ANKRD30A: variants seen among roughly 807,000 people sequenced by gnomAD.
ANKRD30A encodes the protein ankyrin repeat domain 30A, also known as ankyrin repeat domain-containing protein 30A.
A neutral mutation model predicts 166.3 loss-of-function variants in ANKRD30A; 170 were observed. The observed-to-expected ratio is 1.02, with a 90% CI of 0.90 to 1.16. The LOEUF is 1.16. Ranked by LOEUF, ANKRD30A falls within the 50% of genes most tolerant of loss-of-function variation. The probability of loss-of-function intolerance (pLI) is 0.00; values close to 1 mark genes in which losing one functional copy is unlikely to be tolerated. For missense variants in ANKRD30A, 1,630 were observed against 1,518.0 expected (o/e 1.07, Z -1.23); for synonymous variants, 564 against 508.9 (o/e 1.11, Z -1.46).
At chr10:37,236,459 C>T (rs1343665594), downstream of ANKRD30A, among the ~76,000 whole-genome samples, 1 of 152,192 alleles carries the variant, frequency 6.6e-6, no homozygotes, top group Admixed American at 6.5e-5. Flanking sequence ...TCAACGCAAA[C>T]TCATGTCACT....
the ANKRD30A span, among the ~76,000 whole-genome samples, chr10:37,242,398 CT>C: frequency 4.7e-4 from 71 of 152,134 alleles, no homozygotes; most frequent in East Asian, 0.013. Context: ...TGAACATCTC[CT>C]CTGTCATGTT....
intron 5 of ANKRD30A, 122 bp downstream of exon 5, chr10:37,134,175 G>C (rs1308116290): frequency 8.7e-7 from 1 of 1,149,452 alleles, no homozygotes; most frequent in Non-Finnish European, 1.2e-6. Flanking sequence ...GTTAGAAGGA[G>C]TATTGGGTCC....
rs368398639 is a variant in ANKRD30A, at chr10:37,141,983, G to A, written c.1086G>A (p.Thr362=). 11 of 1,614,100 alleles carry A rather than the reference G, an allele frequency of 6.8e-6. No individual in the cohort carries two copies. Among genetic ancestry groups the A allele is most frequent in the African/African-American group, 4.0e-5 (3 of 75,020 alleles). The stretch of plus-strand genomic sequence containing the variant: ...CAGAAGAAACACCTAGGGAAATTAC[G>A]AGTCCTGCAAAAGAAACATCTGAGA... ...QSAEETPREI[T]SPAKETSEKF... is the part of the protein sequence containing the mutation. The change falls in exon 7 of 36, where the codon ACG becomes ACA. Residue 362 remains threonine (T), a synonymous_variant. Coordinates refer to ENST00000361713, the MANE Select transcript of ANKRD30A (RefSeq NM_052997.3).
intron 29 of ANKRD30A, 134 bp downstream of exon 29, chr10:37,197,614 T>C (rs1841244660): frequency 1.5e-6 from 2 of 1,372,398 alleles, no homozygotes; most frequent in African/African-American, 1.5e-5. Context: ...AATACTGGTA[T>C]TGATGTTTGA....
At chr10:37,136,913 T>A (rs1434707669) in intron 6 of ANKRD30A, among the ~76,000 whole-genome samples, 7 of 151,588 alleles carry the variant, frequency 4.6e-5, no homozygotes. Context: ...TGTAGGCAGT[T>A]TATAATCTCA....
At chr10:37,148,165 CGAT>C (rs1465602671) in intron 9 of ANKRD30A, among the ~76,000 whole-genome samples, 1 of 151,978 alleles carries the variant, frequency 6.6e-6, no homozygotes, top group Non-Finnish European at 1.5e-5. Context: ...AGTTCTCAGG[CGAT>C]GCTGATACCA....
intron 27 of ANKRD30A, among the ~76,000 whole-genome samples, chr10:37,195,497 A>T (rs533390536): frequency 1.3e-5 from 2 of 152,180 alleles, no homozygotes; most frequent in East Asian, 3.9e-4. Context: ...AGAATAAAGC[A>T]TCTGGTTGTA....
chr10:37,141,292 C>T lies in ANKRD30A; in HGVS notation c.821-426C>T, dbSNP rs182687620. On this transcript the variant is annotated intron_variant, in intron 6 of 35. Transcript: ENST00000361713. ...AAAGCTTTAAAAAGTTTGGTAGTGT[C>T]CAGGCACAGTGGCTCACTCCTGTAG... is the stretch of plus-strand genomic sequence containing the variant. Among the ~76,000 whole-genome samples, 25 of 152,096 alleles carry T rather than the reference C, an allele frequency of 1.6e-4. No individual in the cohort carries two copies. The East Asian group carries it at 4.8e-3, about 29-fold the overall frequency.
intron 15 of ANKRD30A, among the ~76,000 whole-genome samples, chr10:37,160,417 G>A (rs1006058992): frequency 1.3e-5 from 2 of 152,076 alleles, no homozygotes; most frequent in Admixed American, 6.6e-5. Context: ...CAGTAAATAG[G>A]AGAAATAGGA....
intron 7 of ANKRD30A, among the ~76,000 whole-genome samples, chr10:37,144,228 CTCATGGCTG>C (rs1222756770): frequency 6.6e-6 from 1 of 152,132 alleles, no homozygotes; most frequent in Non-Finnish European, 1.5e-5. Context: ...TGTTTTCTGT[CTCATGGCTG>C]TCAGTATTCC....
At chr10:37,151,840 AT>A (rs1288454245) in intron 11 of ANKRD30A, among the ~76,000 whole-genome samples, 1 of 151,990 alleles carries the variant, frequency 6.6e-6, no homozygotes, top group Non-Finnish European at 1.5e-5. Context: ...TCAAATTTCT[AT>A]TTTTCTGCAT....
At position 37,149,928 on chromosome 10, in the gene ANKRD30A, T is replaced by A. The variant is rs995618655; in HGVS notation, c.1645+79T>A. On this transcript the variant is annotated intron_variant, in intron 11 of 35. Coordinates refer to ENST00000361713, the MANE Select transcript of ANKRD30A (RefSeq NM_052997.3). ...TGATGGTCTTTCTATCCCCAATGCTTTATTTTTTTCAACTTTGATGAAAAC... is the reference window on the plus strand; with the variant it reads ...TGATGGTCTTTCTATCCCCAATGCTATATTTTTTTCAACTTTGATGAAAAC... 8.9e-6 allele frequency: 14 copies of A among 1,567,196 alleles called. No homozygotes were observed. The African/African-American group carries it at 1.6e-4, about 18-fold the overall frequency.
chr10:37,160,374 GA>G (rs1475852262), intron 15 of ANKRD30A, among the ~76,000 whole-genome samples: 84 of 152,232 alleles, frequency 5.5e-4, no homozygotes, highest in African/African-American at 1.8e-3. Context: ...TCATGAGTCT[GA>G]AAAATTTTAG....
intron 27 of ANKRD30A, among the ~76,000 whole-genome samples, chr10:37,194,499 C>A (rs1169463896): frequency 6.6e-6 from 1 of 151,926 alleles, no homozygotes; most frequent in South Asian, 2.1e-4. Flanking sequence ...TGCCACCACG[C>A]CTGGCTAATG....
chr10:37,208,181 C>T (rs1842090743), intron 31 of ANKRD30A, among the ~76,000 whole-genome samples: 1 of 152,128 alleles, frequency 6.6e-6, no homozygotes, highest in South Asian at 2.1e-4. Flanking sequence ...TTTCTCTTTC[C>T]TCTGGGAGCC....
At chr10:37,164,585 CG>C (rs1839158725) in intron 17 of ANKRD30A, among the ~76,000 whole-genome samples, 1 of 151,958 alleles carries the variant, frequency 6.6e-6, no homozygotes. Flanking sequence ...TCATAGCATA[CG>C]GAAATGTAAA....
chr10:37,215,618 C>T (rs183567686), intron 31 of ANKRD30A, among the ~76,000 whole-genome samples: 28 of 151,566 alleles, frequency 1.8e-4, no homozygotes, highest in African/African-American at 6.3e-4. Context: ...GGTTTGCTTT[C>T]CATTTTTTTT....
intron 15 of ANKRD30A, among the ~76,000 whole-genome samples, chr10:37,159,757 G>A (rs559515901): frequency 1.1e-3 from 173 of 152,036 alleles, no homozygotes; most frequent in South Asian, 3.5e-3. Context: ...GTGCCATGGC[G>A]CGATCTCGGC....
At position 37,130,185 on chromosome 10, in the gene ANKRD30A, T is replaced by C. The variant is rs765213450; in HGVS notation, c.337-20T>C. 6.6e-7 allele frequency: 1 copy of C among 1,516,066 alleles called. No individual in the cohort carries two copies. Among genetic ancestry groups the C allele is most frequent in the South Asian group, 1.3e-5 (1 of 75,230 alleles). 93.9% of individuals were successfully genotyped at this position (1,516,066 alleles called of 1,614,324 possible). A position where few individuals can be genotyped will look rare whatever the true frequency, so the allele number is the denominator to read the frequency against. On this transcript the variant is annotated intron_variant, in intron 2 of 35. Coordinates refer to ENST00000361713, the MANE Select transcript of ANKRD30A (RefSeq NM_052997.3). Reference sequence around the variant, plus strand: ...TATAAATTATACAGTTTACAATAATTCTTGCTTTAATACTGACAGGCTCTA... The same window carrying C: ...TATAAATTATACAGTTTACAATAATCCTTGCTTTAATACTGACAGGCTCTA...
Sources: allele counts gnomAD v4.1 joint callset (sites outside exome capture counted in the v4.1 genomes callset), GRCh38; gene constraint gnomAD v4.1.1; transcripts MANE v1.5; gene names NCBI Gene and HGNC (gene_info 2026-07-23, HGNC 2026-07-21).